RABGAP1: variants seen among roughly 807,000 people sequenced by gnomAD.
The protein encoded by RABGAP1 is RAB GTPase activating protein 1.
RABGAP1 carries 23 observed loss-of-function variants against 137.6 expected under a neutral mutation model. The observed-to-expected ratio is 0.17, with a 90% CI of 0.12 to 0.24. The LOEUF is 0.24. Among genes scored for constraint, RABGAP1 ranks in the 10% least tolerant of loss-of-function variants. The pLI, the probability that RABGAP1 is intolerant of heterozygous loss-of-function variation, is 1.00. For missense variants in RABGAP1, 906 were observed against 1,275.8 expected (o/e 0.71, Z 4.42); for synonymous variants, 451 against 450.7 (o/e 1.00, Z -0.01).
intron 2 of RABGAP1, among the ~76,000 whole-genome samples, chr9:122,966,385 A>G (rs906269043): frequency 4.6e-5 from 7 of 152,140 alleles, no homozygotes; most frequent in Admixed American, 1.3e-4. Context: ...TTAGCCGGTC[A>G]TGGTGGTACA....
intron 13 of RABGAP1, among the ~76,000 whole-genome samples, chr9:123,021,684 A>G (rs1159862624): frequency 6.6e-6 from 1 of 152,232 alleles, no homozygotes. Context: ...ATGTCTTCAG[A>G]ATATTAATGT....
At chr9:122,964,087 C>G (rs1424788261) in intron 2 of RABGAP1, among the ~76,000 whole-genome samples, 1 of 152,006 alleles carries the variant, frequency 6.6e-6, no homozygotes, top group African/African-American at 2.4e-5. Flanking sequence ...AAAAAGTACC[C>G]CAAAGAAACC....
At chr9:122,970,165 C>T (rs1240758382) in intron 2 of RABGAP1, among the ~76,000 whole-genome samples, 2 of 151,736 alleles carry the variant, frequency 1.3e-5, no homozygotes, top group Non-Finnish European at 2.9e-5. Flanking sequence ...CCACCTGCCT[C>T]AGCCTCCCAT....
chr9:122,986,519 T>C (rs1402338613), intron 4 of RABGAP1, 100 bp downstream of exon 4: 10 of 1,267,684 alleles, frequency 7.9e-6, no homozygotes, highest in Admixed American at 4.1e-5. Flanking sequence ...TTAATAGTTA[T>C]TTTACTTGTG....
chr9:123,051,238 T>TGG (rs2033452705), intron 13 of RABGAP1, among the ~76,000 whole-genome samples: 6 of 73,224 alleles, frequency 8.2e-5, no homozygotes, highest in African/African-American at 2.7e-4. Context: ...TTTTTTTTTT[T>TGG]TTTTTTTTTT....
chr9:123,066,464 T>C (rs1227668962), intron 14 of RABGAP1, among the ~76,000 whole-genome samples: 2 of 152,222 alleles, frequency 1.3e-5, no homozygotes, highest in African/African-American at 2.4e-5. Context: ...GACTCCACTA[T>C]ATTCTAGTTC....
chr9:123,008,699 A>G (rs2030531099), intron 10 of RABGAP1, among the ~76,000 whole-genome samples: 1 of 152,192 alleles, frequency 6.6e-6, no homozygotes, highest in Admixed American at 6.5e-5. Context: ...CATAATTATC[A>G]ATTTAGAATG....
intron 19 of RABGAP1, among the ~76,000 whole-genome samples, chr9:123,083,953 C>T (rs918175205): frequency 6.6e-6 from 1 of 152,188 alleles, no homozygotes; most frequent in Non-Finnish European, 1.5e-5. Context: ...GTGTTCAGCA[C>T]TGAGCAGGCC....
intron 13 of RABGAP1, chr9:123,035,729 A>G (rs2032618718): frequency 2.9e-6 from 2 of 690,054 alleles, no homozygotes; most frequent in African/African-American, 1.8e-5. Flanking sequence ...TCTGGGACAG[A>G]ATACTTTGAC....
At chr9:123,029,543 A>G in intron 13 of RABGAP1, 1 of 781,664 alleles carries the variant, frequency 1.3e-6, no homozygotes, top group South Asian at 1.3e-5. Flanking sequence ...AGAGACCACA[A>G]CTGGAGTTAT....
At chr9:122,953,547 G>A (rs1238057424) in intron 1 of RABGAP1, among the ~76,000 whole-genome samples, 5 of 152,010 alleles carry the variant, frequency 3.3e-5, no homozygotes, top group Non-Finnish European at 5.9e-5. Context: ...GACTACAGGC[G>A]TGCGCCACCA....
chr9:123,088,042 C>CT (rs553939021), intron 19 of RABGAP1, among the ~76,000 whole-genome samples: 16,556 of 144,376 alleles, frequency 0.11, 2,960 homozygotes, highest in African/African-American at 0.39. Flanking sequence ...GTTTCATATT[C>CT]TTTTTTTTTT....
At chr9:123,050,884 G>A (rs971649682) in intron 13 of RABGAP1, among the ~76,000 whole-genome samples, 1 of 152,252 alleles carries the variant, frequency 6.6e-6, no homozygotes, top group Non-Finnish European at 1.5e-5. Flanking sequence ...TGGGGACACT[G>A]AGTAAAGTGG....
At chr9:122,932,955 T>C in the RABGAP1 span, among the ~76,000 whole-genome samples, 3 of 152,256 alleles carry the variant, frequency 2.0e-5, no homozygotes, top group African/African-American at 4.8e-5. Flanking sequence ...AGATACTTTG[T>C]ATGATATCTA....
At position 123,035,233 on chromosome 9, in the gene RABGAP1, A is replaced by G. The variant is rs761014479; in HGVS notation, c.1794+14774A>G. The G allele has an allele frequency of 5.6e-6, 9 of 1,614,124 alleles. No individual in the cohort carries two copies. In the Admixed American group the frequency reaches 6.7e-5, roughly 12 times the overall value. ...CTTCCGCATCTGCCAACAGCACACA[A>G]AGGATATCAGCGAAAGGCAAGCCCG... On this transcript the variant is annotated intron_variant, in intron 13 of 25. Coordinates refer to ENST00000373647, the MANE Select transcript of RABGAP1 (RefSeq NM_012197.4).
chr9:123,010,226 C>A, intron 10 of RABGAP1, 128 bp from the exon 11 acceptor site: 1 of 776,714 alleles, frequency 1.3e-6, no homozygotes, highest in Non-Finnish European at 1.9e-6. Flanking sequence ...ATTTTCACAT[C>A]CTGTATGAAA....
At chr9:122,978,199 T>A (rs1835864985) in intron 2 of RABGAP1, among the ~76,000 whole-genome samples, 1 of 152,234 alleles carries the variant, frequency 6.6e-6, no homozygotes, top group Admixed American at 6.5e-5. Flanking sequence ...CCTTCCCTGA[T>A]AACCAGTGAT....
At chr9:123,069,737 A>T (rs1456419992) in intron 14 of RABGAP1, among the ~76,000 whole-genome samples, 1 of 152,156 alleles carries the variant, frequency 6.6e-6, no homozygotes, top group Non-Finnish European at 1.5e-5. Flanking sequence ...TTTAAAAATT[A>T]GGCAGGCATG....
At chr9:122,943,654 C>G (rs914743922) in intron 1 of RABGAP1, among the ~76,000 whole-genome samples, 4 of 152,036 alleles carry the variant, frequency 2.6e-5, no homozygotes, top group Admixed American at 6.6e-5. Flanking sequence ...AGCCCAGCTT[C>G]TTTTAAAGAA....
Sources: allele counts gnomAD v4.1 joint callset (sites outside exome capture counted in the v4.1 genomes callset), GRCh38; gene constraint gnomAD v4.1.1; transcripts MANE v1.5; gene names NCBI Gene and HGNC (gene_info 2026-07-23, HGNC 2026-07-21).